SYN3: variants seen among roughly 807,000 people sequenced by gnomAD.
SYN3 encodes synapsin III, also known as synapsin-3.
In SYN3, 35 loss-of-function variants were observed where a neutral mutation model predicts 65.8. The ratio of observed to expected loss-of-function variants is 0.53; its 90% confidence interval spans 0.41 to 0.70. SYN3 has a LOEUF of 0.70. Ranked by LOEUF, SYN3 falls within the 30% of genes least tolerant of loss-of-function variation. SYN3 has a pLI of 0.00. For synonymous variants in SYN3, 270 were observed against 292.9 expected, an observed-to-expected ratio of 0.92 and a Z score of 0.80; for missense variants, 680 against 749.0, an observed-to-expected ratio of 0.91 and a Z score of 1.08.
chr22:32,925,649 T>G (rs1057490226), intron 4 of SYN3, among the ~76,000 whole-genome samples: 1 of 152,146 alleles, frequency 6.6e-6, no homozygotes, highest in African/African-American at 2.4e-5. Flanking sequence ...CCGTCCTGCC[T>G]CAGTGCAGGG....
chr22:32,855,921 C>A (rs1427379), intron 6 of SYN3, among the ~76,000 whole-genome samples: 40,255 of 152,090 alleles, frequency 0.26, 5,643 homozygotes, highest in African/African-American at 0.35. Flanking sequence ...ACAGTTAAAA[C>A]TCTTTGAACT....
At chr22:32,543,060 C>A (rs2058284166) in intron 7 of SYN3, among the ~76,000 whole-genome samples, 1 of 152,134 alleles carries the variant, frequency 6.6e-6, no homozygotes, top group Admixed American at 6.5e-5. Context: ...TCGGCCACAC[C>A]CCATCTCACG....
intron 6 of SYN3, among the ~76,000 whole-genome samples, chr22:32,754,188 G>C (rs1276728556): frequency 6.6e-6 from 1 of 151,588 alleles, no homozygotes; most frequent in Non-Finnish European, 1.5e-5. Flanking sequence ...GTCTCACTCT[G>C]TCGCCCAGGC....
At chr22:33,009,821 T>TAC (rs133950) in intron 1 of SYN3, among the ~76,000 whole-genome samples, 104,503 of 149,840 alleles carry the variant, frequency 0.7, 36,988 homozygotes, top group Middle Eastern at 0.74. Context: ...ATAAATATAA[T>TAC]ATATATAAAG....
At chr22:33,017,034 GT>G (rs2053478103) in intron 1 of SYN3, among the ~76,000 whole-genome samples, 1 of 152,106 alleles carries the variant, frequency 6.6e-6, no homozygotes, top group Non-Finnish European at 1.5e-5. Flanking sequence ...TAGTTTTATA[GT>G]TTCAGGTCTT....
intron 5 of SYN3, among the ~76,000 whole-genome samples, chr22:32,867,447 C>T (rs1318140776): frequency 6.6e-6 from 1 of 152,148 alleles, no homozygotes; most frequent in East Asian, 1.9e-4. Flanking sequence ...GTATTTGCTA[C>T]ATGAACGAAT....
At chr22:32,709,230 T>C (rs2060922761) in intron 6 of SYN3, among the ~76,000 whole-genome samples, 1 of 152,160 alleles carries the variant, frequency 6.6e-6, no homozygotes, top group Non-Finnish European at 1.5e-5. Flanking sequence ...CCAAAATCTC[T>C]CTCTGCCTTC....
intron 6 of SYN3, among the ~76,000 whole-genome samples, chr22:32,775,095 T>C (rs1030984654): frequency 6.6e-6 from 1 of 152,198 alleles, no homozygotes; most frequent in Admixed American, 6.5e-5. Context: ...ATGTCCAAGA[T>C]CAAGGCTCTG....
chr22:33,054,710 T>A (rs2054227659), intron 1 of SYN3, among the ~76,000 whole-genome samples: 2 of 152,216 alleles, frequency 1.3e-5, no homozygotes, highest in Admixed American at 1.3e-4. Context: ...CACATAGCAT[T>A]TTTAAGGTTC....
intron 6 of SYN3, among the ~76,000 whole-genome samples, chr22:32,712,410 C>T (rs1186122106): frequency 6.6e-6 from 1 of 152,222 alleles, no homozygotes; most frequent in Non-Finnish European, 1.5e-5. Context: ...CTAGGGTGTC[C>T]TGCTCACTGT....
intron 3 of SYN3, among the ~76,000 whole-genome samples, chr22:32,946,147 A>T (rs966864174): frequency 3.3e-5 from 5 of 152,206 alleles, no homozygotes; most frequent in Non-Finnish European, 5.9e-5. Context: ...TTCCTCAAGG[A>T]TCTAGAATTA....
chr22:33,032,076 G>A (rs1439034275), intron 1 of SYN3, among the ~76,000 whole-genome samples: 1 of 151,728 alleles, frequency 6.6e-6, no homozygotes, highest in Non-Finnish European at 1.5e-5. Flanking sequence ...AGGGCGTGGT[G>A]GCGGGCGCCT....
rs117477009 is a variant in SYN3 at position 32,928,636 on chromosome 22, T to C, written c.461+2754A>G. Among the ~76,000 whole-genome samples, 475 of 152,298 alleles carry C rather than the reference T, an allele frequency of 3.1e-3. 3 individuals are homozygous for C. Among genetic ancestry groups the C allele is most frequent in the Middle Eastern group, 6.8e-3 (2 of 294 alleles). ...GGCTTTTTCTTTCTAAATATCACTA[T>C]TGAGTCTTGGTGTGGAATTATTTTT... On this transcript the variant is annotated intron_variant, in intron 4 of 13. Transcript: ENST00000358763.
rs368320650 is a variant in SYN3 at position 32,934,155 on chromosome 22, TAAG to T, written c.370-2677_370-2675del. 1.8e-4 allele frequency among the ~76,000 whole-genome samples: 28 copies of T among 152,238 alleles called. 1 individual carries two copies. Among genetic ancestry groups the T allele is most frequent in the African/African-American group, 6.7e-4 (28 of 41,548 alleles). On this transcript the variant is annotated intron_variant, in intron 3 of 13. Transcript: ENST00000358763. ...AGTTGGCAAGGTCACAAAGAAGAAT[TAAG>T]AAGAAAAGTTGTTGCTTATGTGCGC...
intron 4 of SYN3, among the ~76,000 whole-genome samples, chr22:32,929,204 C>T (rs1025683818): frequency 3.9e-5 from 6 of 152,144 alleles, no homozygotes; most frequent in South Asian, 2.1e-4. Context: ...ATTGCTTGAA[C>T]CTGGGAGGCG....
intron 13 of SYN3, among the ~76,000 whole-genome samples, chr22:32,515,860 A>G (rs1418489206): frequency 1.3e-5 from 2 of 151,502 alleles, no homozygotes; most frequent in East Asian, 3.9e-4. Context: ...GTGCAGTGGC[A>G]CGATCTCAGC....
At chr22:32,877,626 C>A (rs1050177731) in intron 4 of SYN3, among the ~76,000 whole-genome samples, 11 of 152,272 alleles carry the variant, frequency 7.2e-5, no homozygotes, top group Non-Finnish European at 2.9e-5. Context: ...TGGAAATGCA[C>A]CCTGCTAGAG....
intron 6 of SYN3, among the ~76,000 whole-genome samples, chr22:32,856,139 G>A (rs981957478): frequency 6.6e-6 from 1 of 152,230 alleles, no homozygotes; most frequent in Admixed American, 6.5e-5. Context: ...GAATGTTTTT[G>A]TGGGCTGGAA....
chr22:32,587,045 A>G (rs142582871), intron 7 of SYN3, among the ~76,000 whole-genome samples: 9,539 of 151,962 alleles, frequency 0.063, 358 homozygotes, highest in Non-Finnish European at 0.083. Context: ...AACATGGTGA[A>G]ACCCCATCTC....
Sources: allele counts gnomAD v4.1 joint callset (sites outside exome capture counted in the v4.1 genomes callset), GRCh38; gene constraint gnomAD v4.1.1; transcripts MANE v1.5; gene names NCBI Gene and HGNC (gene_info 2026-07-23, HGNC 2026-07-21).